The following SRGAP3 variants were observed in gnomAD, a reference collection of about 807,000 sequenced individuals.
SRGAP3 encodes SLIT-ROBO Rho GTPase-activating protein 3.
Under a neutral mutation model 121.1 loss-of-function variants are expected in SRGAP3, and 39 were observed. The ratio of observed to expected loss-of-function variants is 0.32; its 90% CI spans 0.25 to 0.42. The LOEUF (loss-of-function observed/expected upper bound fraction) is 0.42, where lower values mean the gene tolerates loss of function less well. Ranked by LOEUF, SRGAP3 falls within the 10% of genes least tolerant of loss-of-function variation. The probability of loss-of-function intolerance (pLI) is 1.00; values close to 1 mark genes in which losing one functional copy is unlikely to be tolerated. For missense variants in SRGAP3, 1,213 were observed against 1,470.6 expected (o/e 0.82, Z 2.86); for synonymous variants, 601 against 570.0 (o/e 1.05, Z -0.77).
intron 4 of SRGAP3, among the ~76,000 whole-genome samples, chr3:9,078,883 C>T (rs1947105199): frequency 6.6e-6 from 1 of 152,166 alleles, no homozygotes; most frequent in Non-Finnish European, 1.5e-5. Flanking sequence ...TAAGAACTCT[C>T]AGCCCCGTTT....
chr3:9,236,586 CCCT>C (rs1559233407), intron 1 of SRGAP3, among the ~76,000 whole-genome samples: 1 of 151,960 alleles, frequency 6.6e-6, no homozygotes, highest in Non-Finnish European at 1.5e-5. Flanking sequence ...ACTTCCCCCC[CCCT>C]CTTCTTCCTA....
intron 2 of SRGAP3, among the ~76,000 whole-genome samples, chr3:9,328,448 T>TG (rs1329743568): frequency 6.6e-6 from 1 of 152,196 alleles, no homozygotes; most frequent in Non-Finnish European, 1.5e-5. Flanking sequence ...TCCAGGCTGT[T>TG]GGAGCTTGAA....
At chr3:9,075,397 G>GCGCA (rs1553654726) in intron 4 of SRGAP3, among the ~76,000 whole-genome samples, 2,251 of 150,986 alleles carry the variant, frequency 0.015, 60 homozygotes, top group African/African-American at 0.052. Flanking sequence ...GTGTGCGCGC[G>GCGCA]CACATATGTG....
In SRGAP3 at chr3:8,982,528, A is replaced by G. The variant is rs1941470852; in HGVS notation, c.*2991T>C. Reference sequence around the variant, plus strand: ...AAATTTAATTGTAGCCTTTTTAAAAATTACAATTTCACATTTTAACAGTTA... The same window carrying G: ...AAATTTAATTGTAGCCTTTTTAAAAGTTACAATTTCACATTTTAACAGTTA... On this transcript the variant is annotated 3_prime_UTR_variant, in exon 22 of 22. Transcript: ENST00000383836. 2 of 222,298 alleles carry G rather than the reference A, an allele frequency of 9.0e-6. No individual in the cohort carries two copies. Among genetic ancestry groups the G allele is most frequent in the African/African-American group, 4.5e-5 (2 of 44,706 alleles). 13.8% of individuals were successfully genotyped at this position (222,298 alleles called of 1,614,324 possible). A position where few individuals can be genotyped will look rare whatever the true frequency, so the allele number is the denominator to read the frequency against.
chr3:9,278,532 C>T (rs988652888), intron 3 of SRGAP3, among the ~76,000 whole-genome samples: 23 of 152,200 alleles, frequency 1.5e-4, no homozygotes, highest in Admixed American at 1.1e-3. Context: ...GCTGGAAGCA[C>T]ACAATGAAAG....
At chr3:9,054,090 C>G (rs948422466) in intron 8 of SRGAP3, among the ~76,000 whole-genome samples, 4 of 152,214 alleles carry the variant, frequency 2.6e-5, no homozygotes, top group African/African-American at 9.7e-5. Flanking sequence ...CAAGCTCATT[C>G]ATTTCTTGGC....
intron 1 of SRGAP3, among the ~76,000 whole-genome samples, chr3:9,165,057 G>A (rs899265951): frequency 1.3e-5 from 2 of 152,250 alleles, no homozygotes; most frequent in Non-Finnish European, 2.9e-5. Flanking sequence ...TGCAGAGGCA[G>A]GCTGGGCTTA....
chr3:9,286,869 T>A (rs1954784975), intron 3 of SRGAP3, among the ~76,000 whole-genome samples: 1 of 151,448 alleles, frequency 6.6e-6, no homozygotes, highest in Non-Finnish European at 1.5e-5. Context: ...CCCAAAGTGC[T>A]GGGATTACAG....
intron 3 of SRGAP3, among the ~76,000 whole-genome samples, chr3:9,270,505 C>T (rs373793791): frequency 1.1e-4 from 17 of 152,254 alleles, no homozygotes; most frequent in Admixed American, 2.6e-4. Context: ...CAAGTGCATA[C>T]GCTTATCAAA....
chr3:8,992,418 A>C lies in SRGAP3; in HGVS notation c.2558+488T>G, dbSNP rs377499149. 3.9e-4 allele frequency among the ~76,000 whole-genome samples: 59 copies of C among 152,322 alleles called. No homozygotes were observed. In the East Asian group the frequency reaches 0.011, roughly 28 times the overall value. On this transcript the variant is annotated intron_variant, in intron 20 of 21. Coordinates refer to ENST00000383836, the MANE Select transcript of SRGAP3 (RefSeq NM_014850.4). ...CTGGCCCACACATAGGGAGCGAAGA[A>C]ATTGGTAATACTGCTCCCTCCAAAT...
At chr3:9,004,864 G>C (rs183214041) in intron 18 of SRGAP3, among the ~76,000 whole-genome samples, 2 of 152,140 alleles carry the variant, frequency 1.3e-5, no homozygotes, top group Non-Finnish European at 2.9e-5. Flanking sequence ...TTCGGCAAAG[G>C]CCTCTTAGAT....
At chr3:9,185,830 C>T (rs1412495146) in intron 1 of SRGAP3, among the ~76,000 whole-genome samples, 1 of 152,038 alleles carries the variant, frequency 6.6e-6, no homozygotes, top group Non-Finnish European at 1.5e-5. Context: ...AGCCACTGCA[C>T]CTGATTGAGA....
intron 1 of SRGAP3, among the ~76,000 whole-genome samples, chr3:9,194,933 C>T (rs1461390053): frequency 6.6e-6 from 1 of 152,246 alleles, no homozygotes; most frequent in African/African-American, 2.4e-5. Flanking sequence ...TTGCCACCCC[C>T]ACCGTCCCCA....
At chr3:8,990,902 G>A (rs1332929512) in intron 20 of SRGAP3, 63 bp from the exon 21 acceptor site, 2 of 1,401,382 alleles carry the variant, frequency 1.4e-6, no homozygotes, top group Non-Finnish European at 1.9e-6. Flanking sequence ...GTCTCAGAAT[G>A]GGTGAGTCAA....
chr3:8,985,195 G>A lies in SRGAP3; in HGVS notation c.*324C>T. 1 of 456,766 alleles carries A rather than the reference G, an allele frequency of 2.2e-6. No individual in the cohort carries two copies. Among genetic ancestry groups the A allele is most frequent in the Non-Finnish European group, 4.0e-6 (1 of 250,084 alleles). 28.3% of individuals were successfully genotyped at this position (456,766 alleles called of 1,614,324 possible). ...ACACATATACGTATGTAGAGAGAAT[G>A]TCGAGAGAGGAAGTTTCCAGTGACG... On this transcript the variant is annotated 3_prime_UTR_variant, in exon 22 of 22. Transcript: ENST00000383836. The surrounding 1 kb of genome is among the most constrained non-coding windows in gnomAD (Gnocchi z 5.1).
chr3:9,091,290 A>G (rs1356595740), intron 3 of SRGAP3, among the ~76,000 whole-genome samples: 1 of 151,912 alleles, frequency 6.6e-6, no homozygotes, highest in Non-Finnish European at 1.5e-5. Flanking sequence ...GCTTGAGTAG[A>G]TGTTCTCATG....
chr3:9,347,271 G>A (rs947989369), intron 1 of SRGAP3, among the ~76,000 whole-genome samples: 12 of 152,172 alleles, frequency 7.9e-5, no homozygotes, highest in African/African-American at 2.4e-4. Flanking sequence ...ATTTAGGCGA[G>A]AGATTCAGCC....
At chr3:9,049,391 T>C (rs1336076323) in intron 9 of SRGAP3, 12 of 455,966 alleles carry the variant, frequency 2.6e-5, no homozygotes, top group Non-Finnish European at 4.4e-6. Flanking sequence ...CACAGAGCAC[T>C]TGACAGTTTT....
At chr3:9,209,407 G>A (rs930244855) in intron 1 of SRGAP3, among the ~76,000 whole-genome samples, 1 of 152,132 alleles carries the variant, frequency 6.6e-6, no homozygotes, top group Non-Finnish European at 1.5e-5. Context: ...ACTTACAAAT[G>A]GTCAATAACC....
Sources: gnomAD v4.1 joint callset for allele counts (sites outside exome capture counted in the v4.1 genomes callset) on GRCh38, gnomAD v4.1.1 for gene constraint, Gnocchi (gnomAD v3.1) non-coding constraint, MANE v1.5 for transcripts, NCBI Gene and HGNC (gene_info 2026-07-23, HGNC 2026-07-21) for gene names.